The following CAMTA1 variants were observed in gnomAD, a reference collection of about 807,000 sequenced individuals.
The protein encoded by CAMTA1 is calmodulin-binding transcription activator 1.
CAMTA1 carries 27 observed loss-of-function variants against 170.9 expected under a neutral mutation model. The observed-to-expected ratio is 0.16, with a 90% CI of 0.12 to 0.22. The LOEUF (loss-of-function observed/expected upper bound fraction) is 0.22, where lower values mean the gene tolerates loss of function less well. Ranked by LOEUF, CAMTA1 falls within the 10% of genes least tolerant of loss-of-function variation. CAMTA1 has a pLI of 1.00. For synonymous variants in CAMTA1, 833 were observed against 891.5 expected (o/e 0.93, Z 1.17); for missense variants, 1,619 against 2,217.2 (o/e 0.73, Z 5.42).
At chr1:7,723,814 GTTAAAT>G (rs979910985) in intron 11 of CAMTA1, among the ~76,000 whole-genome samples, 17 of 152,166 alleles carry the variant, frequency 1.1e-4, no homozygotes, top group African/African-American at 4.1e-4. Flanking sequence ...CTTCAAAACT[GTTAAAT>G]TTTTGTTTGG....
In CAMTA1 at chr1:7,673,383, T is replaced by C. The variant is rs17031319; in HGVS notation, c.2779+2346T>C. 2.3e-3 allele frequency among the ~76,000 whole-genome samples: 357 copies of C among 152,230 alleles called. 2 individuals carry two copies. The highest frequency in any genetic ancestry group is 7.2e-3 in the African/African-American group (297 of 41,526). ...GGCGAGAGCAGTGAGTGAGAGGAGG[T>C]GTGTGAAGCACCTGGCCCAGTGCTC... On this transcript the variant is annotated intron_variant, in intron 10 of 22. Transcript: ENST00000303635. The surrounding 1 kb of genome is among the most constrained non-coding windows in gnomAD (Gnocchi z 4.6).
intron 16 of CAMTA1, among the ~76,000 whole-genome samples, chr1:7,741,522 A>T (rs2096815505): frequency 6.6e-6 from 1 of 151,580 alleles, no homozygotes; most frequent in Non-Finnish European, 1.5e-5. Flanking sequence ...ACATCGCACC[A>T]CTGCACTCCA....
chr1:7,728,785 G>A lies in CAMTA1; in HGVS notation c.2915-3663G>A, dbSNP rs377574042. 2.6e-5 allele frequency among the ~76,000 whole-genome samples: 4 copies of A among 152,220 alleles called. No homozygotes were observed. The East Asian group carries it at 7.7e-4, about 29-fold the overall frequency. ...CATGGAAGAGACCTGTGATCTGCAA[G>A]ATTTCAGATTTCTAACAAAGAGGCA... On this transcript the variant is annotated intron_variant, in intron 11 of 22. Coordinates refer to ENST00000303635, the MANE Select transcript of CAMTA1 (RefSeq NM_015215.4).
intron 21 of CAMTA1, among the ~76,000 whole-genome samples, chr1:7,754,810 C>T (rs2096920229): frequency 6.6e-6 from 1 of 152,088 alleles, no homozygotes; most frequent in Non-Finnish European, 1.5e-5. Flanking sequence ...ATTTTAATAG[C>T]CTCTGTAATA....
At chr1:7,409,732 C>T (rs552923395) in intron 5 of CAMTA1, among the ~76,000 whole-genome samples, 43 of 152,358 alleles carry the variant, frequency 2.8e-4, no homozygotes, top group Admixed American at 2.3e-3. Flanking sequence ...AGACTAGGAC[C>T]CCCTCATTTA....
chr1:7,446,743 A>G (rs2092690869), intron 5 of CAMTA1, among the ~76,000 whole-genome samples: 1 of 152,180 alleles, frequency 6.6e-6, no homozygotes, highest in African/African-American at 2.4e-5. Flanking sequence ...ACATTGTGAA[A>G]GGGACCTTCT....
chr1:7,703,843 A>T (rs2096469699), intron 11 of CAMTA1, among the ~76,000 whole-genome samples: 1 of 152,184 alleles, frequency 6.6e-6, no homozygotes, highest in South Asian at 2.1e-4. Context: ...CTCGATTAAG[A>T]GGTGCGGCTC....
At chr1:7,121,709 C>T (rs72857598) in intron 4 of CAMTA1, among the ~76,000 whole-genome samples, 9 of 152,294 alleles carry the variant, frequency 5.9e-5, no homozygotes, top group African/African-American at 9.6e-5. Flanking sequence ...GTACACAGCC[C>T]GAGACGGGAG....
intron 4 of CAMTA1, among the ~76,000 whole-genome samples, chr1:7,201,518 G>A (rs1171004483): frequency 6.6e-6 from 1 of 152,026 alleles, no homozygotes; most frequent in Non-Finnish European, 1.5e-5. Context: ...AGGGTATGAG[G>A]GTTCCAGTTT....
chr1:7,562,308 G>T lies in CAMTA1; in HGVS notation c.511-78092G>T, dbSNP rs1199464414. 6.6e-6 allele frequency among the ~76,000 whole-genome samples: 1 copy of T among 152,200 alleles called. No individual in the cohort carries two copies. The highest frequency in any genetic ancestry group is 1.5e-5 in the Non-Finnish European group (1 of 68,042). Reference sequence around the variant, plus strand: ...TTTGCCTTGGTTTGAATATGTAAAGGCACTAAGCTGTTTAATTCGGTGCTT... The same window carrying T: ...TTTGCCTTGGTTTGAATATGTAAAGTCACTAAGCTGTTTAATTCGGTGCTT... On this transcript the variant is annotated intron_variant, in intron 6 of 22. Coordinates refer to ENST00000303635, the MANE Select transcript of CAMTA1 (RefSeq NM_015215.4). This position sits in a 1 kb window ranked among gnomAD's most constrained non-coding sequence, Gnocchi z 4.8.
chr1:6,996,241 A>C (rs1360820766), intron 3 of CAMTA1, among the ~76,000 whole-genome samples: 3 of 152,216 alleles, frequency 2.0e-5, no homozygotes, highest in Non-Finnish European at 2.9e-5. Flanking sequence ...TTTTCTGCTC[A>C]TATATCTTGT....
intron 3 of CAMTA1, among the ~76,000 whole-genome samples, chr1:6,983,593 A>G (rs1184757061): frequency 6.6e-6 from 1 of 152,160 alleles, no homozygotes; most frequent in African/African-American, 2.4e-5. Flanking sequence ...ACAAAGCTTC[A>G]TGGAGGCAAG....
intron 11 of CAMTA1, among the ~76,000 whole-genome samples, chr1:7,704,979 G>T (rs2096493997): frequency 9.9e-6 from 1 of 100,860 alleles, no homozygotes; most frequent in South Asian, 3.9e-4. Flanking sequence ...GGGCGGGGGC[G>T]GGGCCGGGGC....
At chr1:7,510,137 C>T (rs1272641046) in intron 6 of CAMTA1, among the ~76,000 whole-genome samples, 1 of 128,066 alleles carries the variant, frequency 7.8e-6, no homozygotes, top group Non-Finnish European at 1.7e-5. Flanking sequence ...ACGCTTGGTA[C>T]GACGGCACTC....
At chr1:6,805,889 T>G (rs1001618500) in intron 1 of CAMTA1, among the ~76,000 whole-genome samples, 33 of 152,216 alleles carry the variant, frequency 2.2e-4, no homozygotes, top group Admixed American at 2.0e-3. Flanking sequence ...TTTTGTTTTT[T>G]TTTTTGGTCA....
intron 6 of CAMTA1, among the ~76,000 whole-genome samples, chr1:7,589,512 G>A (rs2095339073): frequency 6.6e-6 from 1 of 152,198 alleles, no homozygotes; most frequent in Non-Finnish European, 1.5e-5. Context: ...CTTGTGGCTT[G>A]ACGGCTTGAC....
At chr1:7,107,874 C>A (rs1187117124) in intron 4 of CAMTA1, among the ~76,000 whole-genome samples, 2 of 152,200 alleles carry the variant, frequency 1.3e-5, no homozygotes, top group East Asian at 3.9e-4. Flanking sequence ...GCTAATGGGA[C>A]CATAAATGGA....
chr1:7,738,544 A>G lies in CAMTA1; in HGVS notation c.4182+62A>G, dbSNP rs747224310. On this transcript the variant is annotated intron_variant, in intron 16 of 22. Coordinates refer to ENST00000303635, the MANE Select transcript of CAMTA1 (RefSeq NM_015215.4). This position sits in a 1 kb window ranked among gnomAD's most constrained non-coding sequence, Gnocchi z 4.9. ...GTGCGTTCCAGTTGCTGTGATCTTT[A>G]TGGTCCATTTCCGAAGGTTGTGTCA... 9.1e-6 allele frequency: 14 copies of G among 1,541,712 alleles called. No homozygotes were observed. Among genetic ancestry groups the G allele is most frequent in the African/African-American group, 5.5e-5 (4 of 72,994 alleles).
intron 5 of CAMTA1, among the ~76,000 whole-genome samples, chr1:7,321,463 C>T (rs1430487745): frequency 6.6e-6 from 1 of 152,200 alleles, no homozygotes; most frequent in Non-Finnish European, 1.5e-5. Flanking sequence ...GCTTGGCCCT[C>T]TCACTGGCAC....
Sources: allele counts gnomAD v4.1 joint callset (sites outside exome capture counted in the v4.1 genomes callset), GRCh38; gene constraint gnomAD v4.1.1; non-coding constraint Gnocchi (gnomAD v3.1); transcripts MANE v1.5; gene names NCBI Gene and HGNC (gene_info 2026-07-23, HGNC 2026-07-21).